Variants in CEP164 observed in about 807,000 individuals in gnomAD.
CEP164 encodes centrosomal protein of 164 kDa.
Under a neutral mutation model 182.7 loss-of-function variants are expected in CEP164, and 162 were observed. The observed-to-expected ratio is 0.89, with a 90% CI of 0.78 to 1.01. The LOEUF is 1.01. CEP164 is among the 50% of genes least tolerant of loss of function. The pLI is 0.00. For synonymous variants in CEP164, 661 were observed against 690.0 expected, an observed-to-expected ratio of 0.96 and a Z score of 0.66; for missense variants, 1,735 against 1,790.4, an observed-to-expected ratio of 0.97 and a Z score of 0.56.
intron 27 of CEP164, among the ~76,000 whole-genome samples, chr11:117,399,466 T>C (rs1201183710): frequency 1.3e-5 from 2 of 152,222 alleles, no homozygotes; most frequent in Non-Finnish European, 2.9e-5. Flanking sequence ...GTCTTTATAA[T>C]AGAATGGTTT....
At chr11:117,363,346 C>T (rs2041226627) in intron 7 of CEP164, 83 bp from the exon 8 acceptor site, 3 of 956,052 alleles carry the variant, frequency 3.1e-6, no homozygotes, top group South Asian at 2.9e-5. Flanking sequence ...CTCAGCAGTG[C>T]CCCACTTTTC....
intron 11 of CEP164, among the ~76,000 whole-genome samples, chr11:117,376,192 G>A (rs1413859316): frequency 1.3e-5 from 2 of 152,096 alleles, no homozygotes; most frequent in African/African-American, 2.4e-5. Flanking sequence ...CTCCACCTCC[G>A]CCACGCCTCT....
intron 8 of CEP164, among the ~76,000 whole-genome samples, chr11:117,370,130 T>G (rs1156436138): frequency 6.6e-5 from 10 of 151,864 alleles, no homozygotes; most frequent in Non-Finnish European, 1.5e-4. Context: ...CTCTGCTCAC[T>G]TCCTTTATCC....
At chr11:117,366,906 A>AGCTCTCTCCT (rs1286977676) in intron 8 of CEP164, among the ~76,000 whole-genome samples, 1 of 152,122 alleles carries the variant, frequency 6.6e-6, no homozygotes, top group African/African-American at 2.4e-5. Flanking sequence ...GATTCTTATA[A>AGCTCTCTCCT]GCTCTCTCCT....
At chr11:117,388,117 G>T (rs2044162564) in intron 15 of CEP164, among the ~76,000 whole-genome samples, 1 of 152,186 alleles carries the variant, frequency 6.6e-6, no homozygotes, top group Non-Finnish European at 1.5e-5. Context: ...ACCCAAGCAG[G>T]ATGTGACTCA....
At chr11:117,327,548 C>T (rs955463253), upstream of CEP164, among the ~76,000 whole-genome samples, 1 of 151,408 alleles carries the variant, frequency 6.6e-6, no homozygotes, top group African/African-American at 2.4e-5. Flanking sequence ...GTGACCCACC[C>T]GCCTCGGCCT....
intron 27 of CEP164, among the ~76,000 whole-genome samples, chr11:117,398,110 G>A (rs1362400775): frequency 6.6e-6 from 1 of 152,184 alleles, no homozygotes; most frequent in African/African-American, 2.4e-5. Context: ...CATTCCAAAT[G>A]GGAGAAATTG....
chr11:117,350,946 C>T (rs1312888268), intron 4 of CEP164, among the ~76,000 whole-genome samples: 1 of 152,110 alleles, frequency 6.6e-6, no homozygotes, highest in Non-Finnish European at 1.5e-5. Flanking sequence ...TTGGACTTGT[C>T]CATGTTGAAA....
chr11:117,396,958 C>A, intron 26 of CEP164, 133 bp from the exon 27 acceptor site: 2 of 797,946 alleles, frequency 2.5e-6, no homozygotes, highest in Non-Finnish European at 3.9e-6. Context: ...CATCCCTGCA[C>A]TCACAGTGCC....
rs571485958 is a variant in CEP164 at position 117,397,382 on chromosome 11, T to A, written c.3501+69T>A. 9.1e-6 allele frequency: 13 copies of A among 1,433,168 alleles called. No homozygotes were observed. In the African/African-American group the frequency reaches 1.8e-4, roughly 20 times the overall value. 88.8% of individuals were successfully genotyped at this position (1,433,168 alleles called of 1,614,324 possible). ...GCGGGGGGAGTCAGCAAAACAGTCCTTTGGGCTCCCCCTCAGTTGGTCATT... is the reference window on the plus strand; with the variant it reads ...GCGGGGGGAGTCAGCAAAACAGTCCATTGGGCTCCCCCTCAGTTGGTCATT... On this transcript the variant is annotated intron_variant, in intron 27 of 32. Coordinates refer to ENST00000278935, the MANE Select transcript of CEP164 (RefSeq NM_014956.5).
chr11:117,372,440 G>A (rs938098029), intron 9 of CEP164, among the ~76,000 whole-genome samples: 7 of 145,872 alleles, frequency 4.8e-5, no homozygotes, highest in African/African-American at 1.8e-4. Context: ...TTTTTGAGAT[G>A]GATTTTCACT....
intron 1 of CEP164, among the ~76,000 whole-genome samples, chr11:117,331,847 A>G (rs991107814): frequency 6.6e-6 from 1 of 151,684 alleles, no homozygotes; most frequent in African/African-American, 2.4e-5. Context: ...CCTGGTCTCA[A>G]GTGATCCTCC....
chr11:117,362,360 G>C, intron 6 of CEP164, 44 bp from the exon 7 acceptor site: 2 of 1,590,886 alleles, frequency 1.3e-6, no homozygotes, highest in Non-Finnish European at 1.7e-6. Context: ...TCATTCCAAA[G>C]GTCTTCCAAG....
chr11:117,329,184 A>C (rs1047923404), intron 1 of CEP164, among the ~76,000 whole-genome samples: 1 of 151,442 alleles, frequency 6.6e-6, no homozygotes. Context: ...GCAGCCTCGA[A>C]CTCTTGCCCT....
chr11:117,379,404 T>C (rs2043078996), intron 11 of CEP164, among the ~76,000 whole-genome samples: 1 of 152,162 alleles, frequency 6.6e-6, no homozygotes, highest in Non-Finnish European at 1.5e-5. Context: ...TGGAGTGAGC[T>C]GTCTCCCGCC....
In CEP164 at chr11:117,392,453, G is replaced by A. The variant is rs764411038; in HGVS notation, c.2362-43G>A. 5.0e-6 allele frequency: 8 copies of A among 1,600,156 alleles called. No homozygotes were observed. In the South Asian group the frequency reaches 5.7e-5, roughly 11 times the overall value. On this transcript the variant is annotated intron_variant, in intron 18 of 32. Coordinates refer to ENST00000278935, the MANE Select transcript of CEP164 (RefSeq NM_014956.5). ...TCCCCACACAGCAGCTGTACAGTCT[G>A]TCTGAGGGTCACACTCCCCTGTGTG...
Position 117,336,384 on chromosome 11 carries a change from C to T in CEP164, c.-22+704C>T, listed in dbSNP as rs1303460348. 7.8e-6 allele frequency: 11 copies of T among 1,403,906 alleles called. No homozygotes were observed. The African/African-American group carries it at 8.5e-5, about 11-fold the overall frequency. The allele number at this position is 1,403,906 out of a possible 1,614,324, so 87.0% of individuals were successfully genotyped here. On this transcript the variant is annotated intron_variant, in intron 2 of 32. Transcript: ENST00000278935. Reference sequence around the variant, plus strand: ...TCACAGGAGGGATTCCAGGGGCAGGCGGTGGGTATGGAGGAAGGTGGGGAC... The same window carrying T: ...TCACAGGAGGGATTCCAGGGGCAGGTGGTGGGTATGGAGGAAGGTGGGGAC...
At chr11:117,407,016 C>T (rs1487195175) in intron 27 of CEP164, among the ~76,000 whole-genome samples, 1 of 151,932 alleles carries the variant, frequency 6.6e-6, no homozygotes, top group Non-Finnish European at 1.5e-5. Context: ...ATTGCTTGAA[C>T]CCAGGAGGAG....
At chr11:117,355,561 G>A (rs1181243348) in intron 5 of CEP164, 2 of 1,243,902 alleles carry the variant, frequency 1.6e-6, no homozygotes, top group Non-Finnish European at 1.0e-6. Flanking sequence ...CTGAGGAGGA[G>A]CCCTCCCTGT....
Sources: gnomAD v4.1 joint callset for allele counts (sites outside exome capture counted in the v4.1 genomes callset) on GRCh38, gnomAD v4.1.1 for gene constraint, MANE v1.5 for transcripts, NCBI Gene and HGNC (gene_info 2026-07-23, HGNC 2026-07-21) for gene names.